KAZN: variants seen among roughly 807,000 people sequenced by gnomAD.
KAZN encodes kazrin, periplakin interacting protein.
Under a neutral mutation model 87.4 loss-of-function variants are expected in KAZN, and 40 were observed. That is an observed-to-expected ratio of 0.46 (90% CI 0.36 to 0.60). The LOEUF is 0.60. KAZN is among the 20% of genes least tolerant of loss of function. KAZN has a pLI of 0.00. For missense variants in KAZN, 898 were observed against 1,073.9 expected (o/e 0.84, Z 2.29); for synonymous variants, 466 against 458.3 (o/e 1.02, Z -0.22).
intron 2 of KAZN, among the ~76,000 whole-genome samples, chr1:14,406,457 G>C (rs113253605): frequency 6.6e-6 from 1 of 151,918 alleles, no homozygotes; most frequent in Middle Eastern, 3.2e-3. Flanking sequence ...CCCAAACATC[G>C]AATGTTCTCA....
chr1:14,987,720 C>T (rs1666965369), intron 2 of KAZN, among the ~76,000 whole-genome samples: 1 of 152,130 alleles, frequency 6.6e-6, no homozygotes, highest in Non-Finnish European at 1.5e-5. Context: ...GCTCTGCGGT[C>T]CTGGGTAAGG....
intron 1 of KAZN, among the ~76,000 whole-genome samples, chr1:14,608,170 C>T (rs1322253520): frequency 2.0e-5 from 3 of 152,246 alleles, no homozygotes; most frequent in Admixed American, 6.5e-5. Context: ...AGCCCAAAGA[C>T]ATGCCAGTAG....
At chr1:14,956,978 G>A (rs1410227701) in intron 1 of KAZN, among the ~76,000 whole-genome samples, 1 of 152,022 alleles carries the variant, frequency 6.6e-6, no homozygotes, top group Non-Finnish European at 1.5e-5. Context: ...TTCCCCAGTC[G>A]CATCCTCTAG....
intron 2 of KAZN, among the ~76,000 whole-genome samples, chr1:14,543,441 A>G (rs1169143122): frequency 1.3e-5 from 2 of 152,164 alleles, no homozygotes; most frequent in Non-Finnish European, 2.9e-5. Context: ...GAGTGTGCCA[A>G]TCATGCCAGG....
chr1:13,949,593 T>A (rs1298477674), intron 1 of KAZN, among the ~76,000 whole-genome samples: 1 of 152,162 alleles, frequency 6.6e-6, no homozygotes, highest in East Asian at 1.9e-4. Flanking sequence ...TCATAACAGC[T>A]CACACTTTAC....
At chr1:14,267,359 C>CAAAAAAAAAA (rs61641430) in intron 2 of KAZN, among the ~76,000 whole-genome samples, 4 of 64,724 alleles carry the variant, frequency 6.2e-5, no homozygotes, top group Non-Finnish European at 6.6e-5. Flanking sequence ...AGCCGATAAG[C>CAAAAAAAAAA]AAAAAAAAAA....
chr1:14,686,603 C>A (rs1473347271), intron 1 of KAZN, among the ~76,000 whole-genome samples: 3 of 152,218 alleles, frequency 2.0e-5, no homozygotes, highest in Non-Finnish European at 4.4e-5. Flanking sequence ...ATCAGCCTGA[C>A]CCTTCACCTT....
chr1:14,960,790 C>T lies in KAZN; in HGVS notation c.333C>T (p.Ser111=). The T allele has an allele frequency of 6.2e-7, 1 of 1,612,210 alleles. No individual in the cohort carries two copies. Among genetic ancestry groups the T allele is most frequent in the Non-Finnish European group, 8.5e-7 (1 of 1,179,388 alleles). The part of the protein sequence containing the change: ...KDLEESQGGK[S]SEVLSATELR... ...TGGAGGAGTCGCAGGGCGGCAAGTC[C>T]TCTGAGGTCCTCTCGGCCACCGAGC... Residue 111 remains serine (S), a synonymous_variant, in exon 2 of 15, where the codon TCC becomes TCT. Coordinates refer to ENST00000376030, the MANE Select transcript of KAZN (RefSeq NM_201628.3).
At chr1:14,049,012 A>G (rs1642193823) in intron 1 of KAZN, among the ~76,000 whole-genome samples, 1 of 152,194 alleles carries the variant, frequency 6.6e-6, no homozygotes. Context: ...AGACACATGC[A>G]CACGTATGTT....
intron 2 of KAZN, among the ~76,000 whole-genome samples, chr1:14,365,274 C>T (rs1451152182): frequency 6.6e-6 from 1 of 151,800 alleles, no homozygotes; most frequent in African/African-American, 2.4e-5. Context: ...GTCTCAATCT[C>T]CTGACCTCAT....
At chr1:14,483,808 T>G (rs1334030518) in intron 2 of KAZN, among the ~76,000 whole-genome samples, 2 of 152,232 alleles carry the variant, frequency 1.3e-5, no homozygotes, top group Non-Finnish European at 2.9e-5. Context: ...GCCCCTATTT[T>G]TGGGGTCATA....
chr1:14,554,865 G>A (rs1046081101), intron 2 of KAZN, among the ~76,000 whole-genome samples: 2 of 152,100 alleles, frequency 1.3e-5, no homozygotes, highest in African/African-American at 2.4e-5. Context: ...CACCGACGTC[G>A]AGTCACAAAC....
chr1:14,431,694 C>T (rs1170716442), intron 2 of KAZN, among the ~76,000 whole-genome samples: 1 of 152,128 alleles, frequency 6.6e-6, no homozygotes, highest in Non-Finnish European at 1.5e-5. Context: ...CTTCTTCCTG[C>T]CTTGAATGCT....
At chr1:14,953,330 A>G (rs1323153811) in intron 1 of KAZN, among the ~76,000 whole-genome samples, 1 of 152,232 alleles carries the variant, frequency 6.6e-6, no homozygotes, top group Non-Finnish European at 1.5e-5. Context: ...CTGCTGGTTC[A>G]GGAAGCCCTT....
intron 2 of KAZN, among the ~76,000 whole-genome samples, chr1:14,256,064 A>G (rs1162321890): frequency 6.6e-6 from 1 of 152,218 alleles, no homozygotes; most frequent in African/African-American, 2.4e-5. Context: ...AGTCCTAAAT[A>G]AAATGATTGT....
At chr1:14,786,608 G>T (rs549509649) in intron 1 of KAZN, among the ~76,000 whole-genome samples, 1 of 152,160 alleles carries the variant, frequency 6.6e-6, no homozygotes. Flanking sequence ...GAAAGGCCAC[G>T]GCTCTGCATC....
intron 1 of KAZN, among the ~76,000 whole-genome samples, chr1:13,995,857 T>C (rs1639489049): frequency 6.6e-6 from 1 of 152,226 alleles, no homozygotes; most frequent in Non-Finnish European, 1.5e-5. Context: ...ATTTTTTTTC[T>C]GCTAAGCTCA....
chr1:14,418,231 T>C (rs1442653917), intron 2 of KAZN, among the ~76,000 whole-genome samples: 2 of 152,148 alleles, frequency 1.3e-5, no homozygotes, highest in East Asian at 1.9e-4. Context: ...CAGGAAGATC[T>C]GAGTTCAGAT....
intron 1 of KAZN, among the ~76,000 whole-genome samples, chr1:14,873,815 A>G (rs1652449322): frequency 6.6e-6 from 1 of 152,210 alleles, no homozygotes; most frequent in African/African-American, 2.4e-5. Flanking sequence ...GAGCAGTGCA[A>G]AGTGGGGCAA....
Sources: allele counts gnomAD v4.1 joint callset (sites outside exome capture counted in the v4.1 genomes callset), GRCh38; gene constraint gnomAD v4.1.1; transcripts MANE v1.5; gene names NCBI Gene and HGNC (gene_info 2026-07-23, HGNC 2026-07-21).